The following PUDP variants were observed in gnomAD, a reference collection of about 807,000 sequenced individuals.
PUDP encodes pseudouridine 5'-phosphatase.
In PUDP, 8 loss-of-function variants were observed where a neutral mutation model predicts 9.4. The ratio of observed to expected loss-of-function variants is 0.85; its 90% CI spans 0.50 to 1.53. PUDP has a LOEUF of 1.53. Among genes scored for constraint, PUDP ranks in the 40% most tolerant of loss-of-function variants. The pLI, the probability that PUDP is intolerant of heterozygous loss-of-function variation, is 0.00. For missense variants in PUDP, 188 were observed against 189.7 expected (o/e 0.99, Z 0.05); for synonymous variants, 99 against 80.7 (o/e 1.23, Z -1.22).
intron 1 of PUDP, among the ~76,000 whole-genome samples, chrX:6,716,372 TA>T (rs1924600013): frequency 8.9e-6 from 1 of 111,909 alleles, no homozygotes. Flanking sequence ...ATATTCATGG[TA>T]GACAGCAGCG....
chrX:6,929,587 A>G (rs969668227), intron 3 of PUDP, among the ~76,000 whole-genome samples: 1 of 112,121 alleles, frequency 8.9e-6, no homozygotes, highest in South Asian at 3.8e-4. Context: ...AGACATAAGG[A>G]GCCAATTCTA....
At chrX:6,935,182 T>G (rs1206893736) in intron 3 of PUDP, among the ~76,000 whole-genome samples, 2 of 107,072 alleles carry the variant, frequency 1.9e-5, no homozygotes, top group Non-Finnish European at 3.8e-5. Flanking sequence ...GAATATACAT[T>G]TTTTTAAGCA....
intron 2 of PUDP, among the ~76,000 whole-genome samples, chrX:7,081,595 C>T (rs933469841): frequency 6.2e-5 from 7 of 112,566 alleles, no homozygotes; most frequent in African/African-American, 1.9e-4. Flanking sequence ...GAATCAAAAA[C>T]GGTTTTGGAC....
chrX:7,125,058 T>C (rs1424316432), intron 1 of PUDP, among the ~76,000 whole-genome samples: 1 of 110,590 alleles, frequency 9.0e-6, no homozygotes, highest in Non-Finnish European at 1.9e-5. Flanking sequence ...AATAAACTTT[T>C]AAACGTTTCA....
rs774870033 is a variant in PUDP at position 7,049,847 on chromosome X, A to G, written c.*449T>C. On this transcript the variant is annotated 3_prime_UTR_variant, in exon 4 of 4. Transcript: ENST00000381077. ...TTCCCAGCCAGTGTTCAGAAAAACT[A>G]GAAGAGAGAAGTGATGTTCCATTTT... 9.7e-6 allele frequency: 1 copy of G among 103,174 alleles called. No individual in the cohort carries two copies. Among genetic ancestry groups the G allele is most frequent in the Admixed American group, 1.2e-4 (1 of 8,096 alleles). 8.5% of individuals were successfully genotyped at this position (103,174 alleles called of 1,213,427 possible). A position where few individuals can be genotyped will look rare whatever the true frequency, so the allele number is the denominator to read the frequency against.
chrX:6,853,456 T>G (rs1398709274), intron 3 of PUDP, among the ~76,000 whole-genome samples: 1 of 109,303 alleles, frequency 9.1e-6, no homozygotes, highest in East Asian at 2.8e-4. Flanking sequence ...TGTGTGTGTT[T>G]TTTTTTTTAA....
chrX:6,975,143 C>A (rs1472348940), intron 3 of PUDP, among the ~76,000 whole-genome samples: 2 of 109,951 alleles, frequency 1.8e-5, no homozygotes, highest in Non-Finnish European at 3.8e-5. Flanking sequence ...AGCTTCCTTC[C>A]ATTGGGTTAG....
At chrX:7,000,259 A>G (rs1025540444) in intron 1 of PUDP, among the ~76,000 whole-genome samples, 11 of 111,732 alleles carry the variant, frequency 9.8e-5, no homozygotes, top group Admixed American at 6.7e-4. Flanking sequence ...ACTTAAACTT[A>G]AATGTTCAAA....
intron 3 of PUDP, among the ~76,000 whole-genome samples, chrX:6,964,357 A>G (rs1322820145): frequency 2.7e-5 from 3 of 112,291 alleles, no homozygotes; most frequent in African/African-American, 9.7e-5. Flanking sequence ...TACTTTGGGA[A>G]GATACACCAA....
chrX:7,009,293 G>C (rs1929445024), intron 1 of PUDP, among the ~76,000 whole-genome samples: 2 of 112,313 alleles, frequency 1.8e-5, no homozygotes, highest in South Asian at 7.4e-4. Flanking sequence ...TGAGGGACAT[G>C]AGACAATTTT....
intron 3 of PUDP, among the ~76,000 whole-genome samples, chrX:7,062,705 G>A (rs1240647925): frequency 9.2e-6 from 1 of 108,913 alleles, no homozygotes; most frequent in Non-Finnish European, 1.9e-5. Flanking sequence ...GGTGGGGAGG[G>A]AAGCTGGGGA....
intron 1 of PUDP, among the ~76,000 whole-genome samples, chrX:7,004,265 A>T: frequency 8.9e-6 from 1 of 111,925 alleles, no homozygotes; most frequent in Non-Finnish European, 1.9e-5. Context: ...GCAAATGTAG[A>T]TTTAGATTGT....
intron 3 of PUDP, among the ~76,000 whole-genome samples, chrX:6,817,263 C>A (rs772982783): frequency 9.2e-6 from 1 of 109,105 alleles, no homozygotes; most frequent in Non-Finnish European, 1.9e-5. Context: ...TTCAGAGATA[C>A]GGGATCACTG....
intron 1 of PUDP, among the ~76,000 whole-genome samples, chrX:6,708,774 A>C (rs1005479052): frequency 8.9e-6 from 1 of 111,922 alleles, no homozygotes; most frequent in African/African-American, 3.2e-5. Context: ...GCTCTGGCTG[A>C]GGTCCCAGAA....
intron 3 of PUDP, among the ~76,000 whole-genome samples, chrX:6,960,410 G>A (rs751617226): frequency 5.5e-4 from 62 of 111,867 alleles, no homozygotes; most frequent in African/African-American, 1.8e-3. Context: ...CTTTGAGGCA[G>A]GGTCTTGCTC....
chrX:6,786,802 T>C (rs1290149190), intron 3 of PUDP, among the ~76,000 whole-genome samples: 1 of 112,273 alleles, frequency 8.9e-6, no homozygotes, highest in African/African-American at 3.2e-5. Flanking sequence ...CAGTACCTTA[T>C]AAAATATTCC....
At chrX:6,879,956 A>G (rs1387887899) in intron 3 of PUDP, among the ~76,000 whole-genome samples, 1 of 110,702 alleles carries the variant, frequency 9.0e-6, no homozygotes, top group East Asian at 2.8e-4. Context: ...TTATCTCAAG[A>G]TGTTGCATTC....
intron 3 of PUDP, among the ~76,000 whole-genome samples, chrX:7,056,535 C>T (rs1186780660): frequency 8.9e-6 from 1 of 111,748 alleles, no homozygotes; most frequent in Non-Finnish European, 1.9e-5. Flanking sequence ...ATTTAGTGGA[C>T]CTTCTAAGGC....
At chrX:6,778,469 G>C (rs1354514913) in intron 3 of PUDP, among the ~76,000 whole-genome samples, 1 of 112,625 alleles carries the variant, frequency 8.9e-6, no homozygotes, top group Non-Finnish European at 1.9e-5. Context: ...GATTTCCAGG[G>C]AATTAACACT....
Sources: allele counts gnomAD v4.1 joint callset (sites outside exome capture counted in the v4.1 genomes callset), GRCh38; gene constraint gnomAD v4.1.1; transcripts MANE v1.5; gene names NCBI Gene and HGNC (gene_info 2026-07-23, HGNC 2026-07-21).